Variants in FRAS1 observed in about 807,000 individuals in gnomAD.
FRAS1 encodes the protein extracellular matrix organizing protein FRAS1.
Under a neutral mutation model 435.2 loss-of-function variants are expected in FRAS1, and 290 were observed. The ratio of observed to expected loss-of-function variants is 0.67; its 90% CI spans 0.61 to 0.73. FRAS1 has a LOEUF of 0.73. FRAS1 is among the 30% of genes least tolerant of loss of function. The probability of loss-of-function intolerance (pLI) is 0.00; values close to 1 mark genes in which losing one functional copy is unlikely to be tolerated. For missense variants in FRAS1, 4,860 were observed against 5,001.5 expected, an observed-to-expected ratio of 0.97 and a Z score of 0.85; for synonymous variants, 1,800 against 1,851.0, an observed-to-expected ratio of 0.97 and a Z score of 0.71.
intron 14 of FRAS1, among the ~76,000 whole-genome samples, chr4:78,303,003 A>G (rs1248214139): frequency 6.6e-6 from 1 of 152,130 alleles, no homozygotes; most frequent in East Asian, 1.9e-4. Context: ...CTAACGTTTA[A>G]GTCTTTAATC....
chr4:78,445,794 A>G (rs1187962064), intron 42 of FRAS1, 82 bp downstream of exon 42: 2 of 1,481,022 alleles, frequency 1.4e-6, no homozygotes, highest in Non-Finnish European at 1.8e-6. Flanking sequence ...ATAGGGACTC[A>G]AAAGCAAAGA....
At chr4:78,308,418 G>C (rs188061202) in intron 15 of FRAS1, among the ~76,000 whole-genome samples, 2 of 152,162 alleles carry the variant, frequency 1.3e-5, no homozygotes, top group African/African-American at 4.8e-5. Flanking sequence ...GCTAGGGTTG[G>C]GGTGCTCATT....
At chr4:78,125,355 A>G (rs1339094109) in intron 2 of FRAS1, among the ~76,000 whole-genome samples, 22 of 152,142 alleles carry the variant, frequency 1.4e-4, no homozygotes, top group Admixed American at 1.4e-3. Flanking sequence ...TCTCAGAGAC[A>G]GTTTGTTATA....
intron 20 of FRAS1, among the ~76,000 whole-genome samples, chr4:78,342,504 T>C (rs1221545031): frequency 6.6e-6 from 1 of 152,226 alleles, no homozygotes; most frequent in African/African-American, 2.4e-5. Flanking sequence ...GAGACACAGT[T>C]ACTTTCTATA....
chr4:78,263,800 T>C (rs1726227171), intron 6 of FRAS1, among the ~76,000 whole-genome samples: 1 of 152,212 alleles, frequency 6.6e-6, no homozygotes, highest in Non-Finnish European at 1.5e-5. Flanking sequence ...AGAAAATAGT[T>C]GTCAATTTAA....
At chr4:78,485,940 C>T (rs749279347) in intron 58 of FRAS1, among the ~76,000 whole-genome samples, 1 of 152,174 alleles carries the variant, frequency 6.6e-6, no homozygotes, top group African/African-American at 2.4e-5. Flanking sequence ...ATTCTTTTCC[C>T]ACTAGGCTGA....
rs1489154718 is a variant in FRAS1 at position 78,284,484 on chromosome 4, G to A, written c.1335G>A (p.Leu445=). 2.5e-6 allele frequency: 4 copies of A among 1,613,706 alleles called. No individual in the cohort carries two copies. The highest frequency in any genetic ancestry group is 1.3e-5 in the African/African-American group (1 of 74,896). The change falls in exon 13 of 74, where the codon CTG becomes CTA. Residue 445 remains leucine (L), a synonymous_variant. Transcript: ENST00000512123. ...CDLCQDPTKL[L]QNGWCVHSCG... ...TCTGCCAAGATCCTACCAAGTTACT[G>A]CAGAATGGATGGTGTGTGCACAGCT...
chr4:78,059,540 T>A (rs1309555937), intron 1 of FRAS1, among the ~76,000 whole-genome samples: 1 of 151,226 alleles, frequency 6.6e-6, no homozygotes, highest in Non-Finnish European at 1.5e-5. Context: ...AGGGCTTGAT[T>A]ATAACAATAA....
At chr4:78,408,758 G>T (rs1263475889) in intron 31 of FRAS1, among the ~76,000 whole-genome samples, 8 of 152,174 alleles carry the variant, frequency 5.3e-5, no homozygotes, top group Non-Finnish European at 1.2e-4. Context: ...ATAAGGGTTT[G>T]TTATTACCAT....
At chr4:78,116,079 C>T (rs1267379331) in intron 2 of FRAS1, among the ~76,000 whole-genome samples, 3 of 152,270 alleles carry the variant, frequency 2.0e-5, no homozygotes, top group African/African-American at 7.2e-5. Context: ...GCCTTCATTT[C>T]ATTATGTACC....
intron 3 of FRAS1, among the ~76,000 whole-genome samples, chr4:78,244,180 A>T (rs962979902): frequency 2.6e-5 from 4 of 152,128 alleles, no homozygotes; most frequent in African/African-American, 9.7e-5. Flanking sequence ...TAGATATATG[A>T]TGTTAGAATT....
intron 2 of FRAS1, among the ~76,000 whole-genome samples, chr4:78,102,606 G>A (rs1439872207): frequency 6.6e-6 from 1 of 152,114 alleles, no homozygotes; most frequent in Admixed American, 6.6e-5. Flanking sequence ...GTATTTAATA[G>A]GAACTGAAAA....
chr4:78,540,210 A>G (rs1376492657), intron 73 of FRAS1, among the ~76,000 whole-genome samples: 2 of 152,228 alleles, frequency 1.3e-5, no homozygotes, highest in African/African-American at 4.8e-5. Flanking sequence ...CTATTATTTC[A>G]CTGCTATCAA....
rs146167249 is a variant in FRAS1 at position 78,432,416 on chromosome 4, T to C, written c.5029T>C (p.Ser1677Pro). ...KNALQYIHDGSSTREDSMEIS... is the reference protein window; with the variant it reads ...KNALQYIHDGPSTREDSMEIS... ...TGCTCTACAGTATATACATGATGGTTCCTCTACCCGGGAAGACAGCATGGA... is the reference window on the plus strand; with the variant it reads ...TGCTCTACAGTATATACATGATGGTCCCTCTACCCGGGAAGACAGCATGGA... The change falls in exon 38 of 74, where the codon TCC becomes CCC. Residue 1677 changes from serine to proline, a missense_variant. Physicochemically the swap from Ser to Pro is moderately conservative, Grantham distance 74 (BLOSUM62 -1). Transcript: ENST00000512123. 1.2e-5 allele frequency: 19 copies of C among 1,611,916 alleles called. No homozygotes were observed. In the African/African-American group the frequency reaches 1.6e-4, roughly 14 times the overall value.
At chr4:78,298,548 C>G (rs1040070116) in intron 14 of FRAS1, among the ~76,000 whole-genome samples, 1 of 152,116 alleles carries the variant, frequency 6.6e-6, no homozygotes, top group Non-Finnish European at 1.5e-5. Flanking sequence ...AACAGCAGGA[C>G]CACTGTCATG....
chr4:78,060,142 ATACT>A (rs144130309), intron 1 of FRAS1, among the ~76,000 whole-genome samples: 15,166 of 152,132 alleles, frequency 0.1, 867 homozygotes, highest in Middle Eastern at 0.17. Flanking sequence ...AGCACTTTAC[ATACT>A]TTATCTCATT....
At chr4:78,434,857 T>C (rs1734354510) in intron 38 of FRAS1, among the ~76,000 whole-genome samples, 1 of 152,172 alleles carries the variant, frequency 6.6e-6, no homozygotes, top group Non-Finnish European at 1.5e-5. Flanking sequence ...CAGGGAAAAT[T>C]ATAACATTTA....
chr4:78,288,965 G>C (rs145586302), intron 14 of FRAS1, among the ~76,000 whole-genome samples: 19 of 152,284 alleles, frequency 1.2e-4, no homozygotes, highest in Admixed American at 4.6e-4. Flanking sequence ...TTTCTGGATT[G>C]ATTCCTCTTG....
intron 3 of FRAS1, among the ~76,000 whole-genome samples, chr4:78,242,413 A>T (rs1231094064): frequency 6.6e-6 from 1 of 152,190 alleles, no homozygotes; most frequent in Non-Finnish European, 1.5e-5. Context: ...GCACAAGTTC[A>T]TGAATCACCA....
Sources: allele counts gnomAD v4.1 joint callset (sites outside exome capture counted in the v4.1 genomes callset), GRCh38; gene constraint gnomAD v4.1.1; transcripts MANE v1.5; gene names NCBI Gene and HGNC (gene_info 2026-07-23, HGNC 2026-07-21).